Variants in GUCY2C observed in about 807,000 individuals in gnomAD.
GUCY2C encodes the protein guanylyl cyclase C.
Under a neutral mutation model 131.1 loss-of-function variants are expected in GUCY2C, and 118 were observed. The ratio of observed to expected loss-of-function variants is 0.90; its 90% CI spans 0.78 to 1.05. The LOEUF (loss-of-function observed/expected upper bound fraction) is 1.05. Ranked by LOEUF, GUCY2C falls within the 50% of genes least tolerant of loss-of-function variation. The pLI is 0.00. For synonymous variants in GUCY2C, 452 were observed against 457.8 expected, an observed-to-expected ratio of 0.99 and a Z score of 0.16; for missense variants, 1,161 against 1,304.4, an observed-to-expected ratio of 0.89 and a Z score of 1.69.
At chr12:14,647,653 G>C (rs1947549003) in intron 15 of GUCY2C, among the ~76,000 whole-genome samples, 1 of 152,110 alleles carries the variant, frequency 6.6e-6, no homozygotes, top group South Asian at 2.1e-4. Flanking sequence ...CTAAGAACTT[G>C]ACTAAGTTCT....
rs1230131226 is a variant in GUCY2C, at chr12:14,613,642, C to A, written c.3048-351G>T. Among the ~76,000 whole-genome samples, 1 of 152,124 alleles carries A rather than the reference C, an allele frequency of 6.6e-6. No individual in the cohort carries two copies. Among genetic ancestry groups the A allele is most frequent in the Admixed American group, 6.6e-5 (1 of 15,262 alleles). On this transcript the variant is annotated intron_variant, in intron 26 of 26. Coordinates refer to ENST00000261170, the MANE Select transcript of GUCY2C (RefSeq NM_004963.4). This position sits in a 1 kb window ranked among gnomAD's most constrained non-coding sequence, Gnocchi z 4.9. ...ACCCTGAAAACTCATTGGTCCCACA[C>A]ATACTTAACAGTGTGAGTCTTGTTT... is the stretch of plus-strand genomic sequence containing the variant.
intron 21 of GUCY2C, among the ~76,000 whole-genome samples, 158 bp downstream of exon 21, chr12:14,625,599 C>G (rs1018477428): frequency 4.6e-5 from 7 of 152,106 alleles, no homozygotes; most frequent in African/African-American, 1.4e-4. Context: ...TCTCAAAGTG[C>G]TAGGATTACA....
intron 19 of GUCY2C, among the ~76,000 whole-genome samples, chr12:14,638,027 A>T (rs1406638515): frequency 6.6e-6 from 1 of 152,200 alleles, no homozygotes; most frequent in East Asian, 1.9e-4. Flanking sequence ...CTCAGCAATT[A>T]AAAAAATTCC....
At chr12:14,667,096 T>G (rs1947997455) in intron 10 of GUCY2C, among the ~76,000 whole-genome samples, 2 of 152,148 alleles carry the variant, frequency 1.3e-5, no homozygotes, top group Admixed American at 6.5e-5. Context: ...AAAAAGTACT[T>G]TTTGAGAAGT....
At chr12:14,670,804 C>T (rs1277776261) in intron 9 of GUCY2C, among the ~76,000 whole-genome samples, 4 of 151,610 alleles carry the variant, frequency 2.6e-5, no homozygotes, top group Admixed American at 2.6e-4. Flanking sequence ...GTCCATGAAA[C>T]CTCTGAAAAA....
At position 14,682,973 on chromosome 12, in the gene GUCY2C, G is replaced by A. The variant is rs1030233150; in HGVS notation, c.611+69C>T. ...TGGAAGGTGCATCTGGTAATAACTA[G>A]GTGGCCTGCATGATCCTATGGCTTC... is the stretch of plus-strand genomic sequence containing the variant. On this transcript the variant is annotated intron_variant, in intron 4 of 26. Transcript: ENST00000261170. 1.0e-4 allele frequency: 99 copies of A among 990,042 alleles called. 2 individuals are homozygous for A. The Admixed American group carries it at 1.6e-3, about 16-fold the overall frequency. The allele number at this position is 990,042 out of a possible 1,614,324, so 61.3% of individuals were successfully genotyped here.
chr12:14,651,336 G>A, intron 15 of GUCY2C, 71 bp downstream of exon 15: 1 of 789,608 alleles, frequency 1.3e-6, no homozygotes, highest in Non-Finnish European at 2.2e-6. Flanking sequence ...ATTTTACTCG[G>A]TAAATATTTT....
intron 21 of GUCY2C, among the ~76,000 whole-genome samples, chr12:14,624,055 G>A (rs946699407): frequency 6.6e-6 from 1 of 152,160 alleles, no homozygotes; most frequent in African/African-American, 2.4e-5. Context: ...AGGAAGGGCT[G>A]GGAGTTAACA....
intron 19 of GUCY2C, among the ~76,000 whole-genome samples, chr12:14,637,317 G>A (rs1947291593): frequency 6.6e-6 from 1 of 151,932 alleles, no homozygotes; most frequent in Non-Finnish European, 1.5e-5. Context: ...GATATCCCAT[G>A]CTCATGGATT....
At chr12:14,627,790 T>C (rs1365078446) in intron 20 of GUCY2C, among the ~76,000 whole-genome samples, 2 of 152,132 alleles carry the variant, frequency 1.3e-5, no homozygotes, top group African/African-American at 4.8e-5. Context: ...AGGGCTAGAA[T>C]TAATTATTAT....
At chr12:14,640,480 G>GA (rs1485094825) in intron 18 of GUCY2C, among the ~76,000 whole-genome samples, 4 of 132,150 alleles carry the variant, frequency 3.0e-5, no homozygotes, top group Non-Finnish European at 6.6e-5. Context: ...AAAAAAAAAA[G>GA]AAAGAAAAGA....
At chr12:14,619,927 A>T in intron 23 of GUCY2C, among the ~76,000 whole-genome samples, 1 of 152,238 alleles carries the variant, frequency 6.6e-6, no homozygotes, top group East Asian at 1.9e-4. Flanking sequence ...GTAGGAAATA[A>T]GGGTTATTCA....
intron 24 of GUCY2C, among the ~76,000 whole-genome samples, chr12:14,618,385 T>C (rs1278984398): frequency 6.6e-6 from 1 of 152,072 alleles, no homozygotes; most frequent in Non-Finnish European, 1.5e-5. Context: ...CATGGTGGCA[T>C]GCCTGTAGTC....
intron 19 of GUCY2C, among the ~76,000 whole-genome samples, chr12:14,637,508 G>T: frequency 6.6e-6 from 1 of 152,144 alleles, no homozygotes; most frequent in East Asian, 1.9e-4. Flanking sequence ...GAACAAAGCT[G>T]GAGGCATAAC....
intron 9 of GUCY2C, among the ~76,000 whole-genome samples, chr12:14,670,350 C>T (rs1322274803): frequency 6.6e-6 from 1 of 151,350 alleles, no homozygotes; most frequent in South Asian, 2.1e-4. Context: ...ATTTTCTAAT[C>T]TCTTCTATTC....
chr12:14,627,113 C>G (rs113931230), intron 20 of GUCY2C, among the ~76,000 whole-genome samples: 1 of 152,128 alleles, frequency 6.6e-6, no homozygotes, highest in Non-Finnish European at 1.5e-5. Flanking sequence ...GGAGGAGACA[C>G]ATTGAGTTCT....
intron 1 of GUCY2C, among the ~76,000 whole-genome samples, chr12:14,691,357 CAGCTTCAGTACTA>C (rs1673266521): frequency 6.6e-6 from 1 of 152,148 alleles, no homozygotes; most frequent in African/African-American, 2.4e-5. Context: ...AACCGCGAGT[CAGCTTCAGTACTA>C]AGCCCCATAT....
At chr12:14,682,182 G>A (rs1948359429) in intron 4 of GUCY2C, among the ~76,000 whole-genome samples, 1 of 152,094 alleles carries the variant, frequency 6.6e-6, no homozygotes, top group Non-Finnish European at 1.5e-5. Flanking sequence ...TACCTGATAT[G>A]GTTAGGCTTT....
chr12:14,661,597 C>G (rs1012578146), intron 10 of GUCY2C, among the ~76,000 whole-genome samples: 4 of 151,974 alleles, frequency 2.6e-5, no homozygotes, highest in African/African-American at 4.8e-5. Flanking sequence ...CGCCACCATG[C>G]CCGGATAATT....
Sources: allele counts gnomAD v4.1 joint callset (sites outside exome capture counted in the v4.1 genomes callset), GRCh38; gene constraint gnomAD v4.1.1; non-coding constraint Gnocchi (gnomAD v3.1); transcripts MANE v1.5; gene names NCBI Gene and HGNC (gene_info 2026-07-23, HGNC 2026-07-21).